The following EYA1 variants were observed in gnomAD, a reference collection of about 807,000 sequenced individuals.
EYA1 encodes the protein protein phosphatase EYA1.
Under a neutral mutation model 82.0 loss-of-function variants are expected in EYA1, and 16 were observed. The ratio of observed to expected loss-of-function variants is 0.20; its 90% CI spans 0.13 to 0.30. The LOEUF (loss-of-function observed/expected upper bound fraction) is 0.30. EYA1 is among the 10% of genes least tolerant of loss of function. The pLI is 1.00. For synonymous variants in EYA1, 261 were observed against 264.4 expected (o/e 0.99, Z 0.12); for missense variants, 633 against 730.7 (o/e 0.87, Z 1.54).
intron 2 of EYA1, among the ~76,000 whole-genome samples, chr8:71,391,408 G>A (rs79477570): frequency 0.051 from 7,695 of 152,098 alleles, 526 homozygotes; most frequent in African/African-American, 0.16. Flanking sequence ...TAAAATCTTT[G>A]TCTGATTGTT....
At chr8:71,299,784 A>C in intron 7 of EYA1, 64 bp from the exon 8 acceptor site, 1 of 882,830 alleles carries the variant, frequency 1.1e-6, no homozygotes, top group Non-Finnish European at 1.9e-6. Context: ...GTACAGGAAA[A>C]TAGCATTTAG....
chr8:71,210,381 G>T (rs1441949951), intron 17 of EYA1, among the ~76,000 whole-genome samples: 1 of 152,196 alleles, frequency 6.6e-6, no homozygotes, highest in Non-Finnish European at 1.5e-5. Flanking sequence ...CATGGTCAAG[G>T]AAAGCTGAGT....
At chr8:71,402,177 C>T (rs1309164010) in intron 2 of EYA1, among the ~76,000 whole-genome samples, 1 of 152,190 alleles carries the variant, frequency 6.6e-6, no homozygotes, top group Non-Finnish European at 1.5e-5. Context: ...CAGGTTTCTA[C>T]TTTCTGTGCT....
intron 12 of EYA1, among the ~76,000 whole-genome samples, chr8:71,217,799 C>A (rs182896176): frequency 1.3e-5 from 2 of 152,190 alleles, no homozygotes; most frequent in East Asian, 3.9e-4. Context: ...TTTTAAATCC[C>A]AAACTGTGTA....
intron 2 of EYA1, among the ~76,000 whole-genome samples, chr8:71,446,414 A>G (rs1563621531): frequency 6.6e-6 from 1 of 151,058 alleles, no homozygotes; most frequent in Non-Finnish European, 1.5e-5. Flanking sequence ...CCCTTCTGCC[A>G]TGTAAGTTTC....
intron 12 of EYA1, among the ~76,000 whole-genome samples, chr8:71,230,778 C>A (rs920570713): frequency 4.6e-5 from 7 of 152,220 alleles, no homozygotes; most frequent in African/African-American, 1.7e-4. Context: ...ACAGTTGCCT[C>A]ACATAAATCA....
intron 7 of EYA1, among the ~76,000 whole-genome samples, chr8:71,315,702 T>C (rs989672535): frequency 1.1e-4 from 17 of 152,368 alleles, no homozygotes; most frequent in African/African-American, 3.1e-4. Context: ...TTTCCATCAC[T>C]TTTTGTTCTT....
chr8:71,355,259 G>T (rs962564567), intron 2 of EYA1, among the ~76,000 whole-genome samples: 3 of 152,058 alleles, frequency 2.0e-5, no homozygotes, highest in Admixed American at 1.3e-4. Flanking sequence ...ATATTAAAAA[G>T]GACCAAAGGC....
At chr8:71,329,915 C>G (rs1823620056) in intron 4 of EYA1, among the ~76,000 whole-genome samples, 1 of 152,098 alleles carries the variant, frequency 6.6e-6, no homozygotes. Context: ...AGAAGTAGAA[C>G]AGCAGAGCTG....
chr8:71,547,505 T>G (rs1815738483), intron 1 of EYA1: 1 of 152,044 alleles, frequency 6.6e-6, no homozygotes, highest in Non-Finnish European at 1.5e-5. Flanking sequence ...TCCAGGTGAC[T>G]TTCGCGTACC....
At chr8:71,428,832 G>A (rs1805427031) in intron 2 of EYA1, among the ~76,000 whole-genome samples, 1 of 152,082 alleles carries the variant, frequency 6.6e-6, no homozygotes, top group Admixed American at 6.6e-5. Flanking sequence ...AAAAATGCCA[G>A]GAGAAACAAG....
intron 12 of EYA1, among the ~76,000 whole-genome samples, chr8:71,222,106 C>T (rs1809996397): frequency 6.6e-6 from 1 of 152,182 alleles, no homozygotes; most frequent in Non-Finnish European, 1.5e-5. Flanking sequence ...AAAACTTCCA[C>T]TCCTGCTCTG....
chr8:71,395,787 A>G (rs139831018), intron 2 of EYA1, among the ~76,000 whole-genome samples: 1 of 152,172 alleles, frequency 6.6e-6, no homozygotes, highest in Non-Finnish European at 1.5e-5. Flanking sequence ...GTTTGGTATC[A>G]GGATGATGTT....
intron 17 of EYA1, among the ~76,000 whole-genome samples, chr8:71,208,898 G>GACTC (rs894554039): frequency 6.6e-6 from 1 of 152,140 alleles, no homozygotes; most frequent in African/African-American, 2.4e-5. Flanking sequence ...TTTAGGAAGG[G>GACTC]ACTCACTCAC....
At chr8:71,379,392 C>T (rs12679230) in intron 2 of EYA1, among the ~76,000 whole-genome samples, 40,344 of 151,718 alleles carry the variant, frequency 0.27, 6,016 homozygotes, top group East Asian at 0.7. Context: ...ACTTCAATTA[C>T]CCCAGGGAGA....
chr8:71,475,287 G>A lies in EYA1; in HGVS notation c.33+60457C>T, dbSNP rs376948184. 4.6e-5 allele frequency among the ~76,000 whole-genome samples: 7 copies of A among 152,184 alleles called. No individual in the cohort carries two copies. The South Asian group carries it at 6.2e-4, about 13-fold the overall frequency. ...AAATATACGTGCATGAAAATGTTCC[G>A]AAGAGGTAAATAAATAATTGAAAGG... is the stretch of plus-strand genomic sequence containing the variant. On this transcript the variant is annotated intron_variant, in intron 2 of 18. Coordinates refer to the EYA1 transcript ENST00000643681.
intron 4 of EYA1, among the ~76,000 whole-genome samples, chr8:71,329,286 A>C (rs16937589): frequency 0.066 from 10,079 of 152,246 alleles, 845 homozygotes; most frequent in East Asian, 0.42. Context: ...CCCGTCTTGA[A>C]TACATGAAAA....
At chr8:71,212,307 T>A (rs1808611377) in intron 16 of EYA1, among the ~76,000 whole-genome samples, 1 of 152,248 alleles carries the variant, frequency 6.6e-6, no homozygotes, top group Non-Finnish European at 1.5e-5. Context: ...GAGCTAGCCT[T>A]ATTCAAAGAT....
chr8:71,358,468 T>C (rs1313204012), intron 1 of EYA1, among the ~76,000 whole-genome samples: 2 of 152,216 alleles, frequency 1.3e-5, no homozygotes, highest in Non-Finnish European at 2.9e-5. Context: ...GTGTTGTGTG[T>C]TACTGTATTT....
Sources: allele counts gnomAD v4.1 joint callset (sites outside exome capture counted in the v4.1 genomes callset), GRCh38; gene constraint gnomAD v4.1.1; transcripts MANE v1.5; gene names NCBI Gene and HGNC (gene_info 2026-07-23, HGNC 2026-07-21).